PLPP2: variants seen among roughly 807,000 people sequenced by gnomAD.
PLPP2 encodes phospholipid phosphatase 2.
A neutral mutation model predicts 35.2 loss-of-function variants in PLPP2; 29 were observed. The ratio of observed to expected loss-of-function variants is 0.82; its 90% CI spans 0.61 to 1.12. The LOEUF (loss-of-function observed/expected upper bound fraction) is 1.12, where lower values mean the gene tolerates loss of function less well. Among genes scored for constraint, PLPP2 ranks in the 50% most tolerant of loss-of-function variants. The pLI, the probability that PLPP2 is intolerant of heterozygous loss-of-function variation, is 0.00. For synonymous variants in PLPP2, 162 were observed against 167.0 expected, an observed-to-expected ratio of 0.97 and a Z score of 0.23; for missense variants, 353 against 375.2, an observed-to-expected ratio of 0.94 and a Z score of 0.49.
In PLPP2 at chr19:287,746, C is replaced by A; in HGVS notation, c.210G>T (p.Ser70=). The part of the protein sequence containing the change: ...VTITATVILV[S]AGEAYLVYTD... ...TGTACACCAGGTAGGCTTCCCCGGCCGAGACCTGCAAGAGCAGCCGCAGGA... is the reference window on the plus strand; with the variant it reads ...TGTACACCAGGTAGGCTTCCCCGGCAGAGACCTGCAAGAGCAGCCGCAGGA... The change falls in exon 3 of 6, where the codon TCG becomes TCT. Residue 70 remains serine, a synonymous_variant. Transcript: ENST00000434325. This position sits in a 1 kb window ranked among gnomAD's most constrained non-coding sequence, Gnocchi z 4.3. 5 of 1,613,140 alleles carry A rather than the reference C, an allele frequency of 3.1e-6. No homozygotes were observed. Among genetic ancestry groups the A allele is most frequent in the Non-Finnish European group, 4.2e-6 (5 of 1,179,720 alleles).
intron 3 of PLPP2, chr19:283,030 A>C: frequency 1.8e-6 from 1 of 559,764 alleles, no homozygotes; most frequent in East Asian, 3.0e-5. Context: ...ATCCGTGAAG[A>C]CTCTGAGGCC....
intron 1 of PLPP2, 29 bp from the exon 2 acceptor site, chr19:288,200 T>A (rs375370085): frequency 6.5e-7 from 1 of 1,547,918 alleles, no homozygotes; most frequent in Non-Finnish European, 8.7e-7. Context: ...CTGGGAGCTG[T>A]GAGGTTCTCT....
intron 1 of PLPP2, among the ~76,000 whole-genome samples, chr19:290,613 C>T (rs1185746910): frequency 1.3e-5 from 2 of 152,218 alleles, no homozygotes; most frequent in Non-Finnish European, 2.9e-5. Context: ...GTTCCCGGGA[C>T]CCTGCGGGAG....
At chr19:290,698 G>A (rs1051825115) in intron 1 of PLPP2, among the ~76,000 whole-genome samples, 3 of 152,146 alleles carry the variant, frequency 2.0e-5, no homozygotes, top group Non-Finnish European at 4.4e-5. Flanking sequence ...CTGGCCTCCC[G>A]GCCCCCCGCC....
rs140076000 is a variant in PLPP2 at position 287,546 on chromosome 19, C to T, written c.410G>A (p.Arg137Gln). 1.4e-4 allele frequency: 224 copies of T among 1,613,648 alleles called. No individual in the cohort carries two copies. The highest frequency in any genetic ancestry group is 1.8e-4 in the Non-Finnish European group (208 of 1,180,046). ...FLAVCDPDWSRVNCSVYVQLE... is the reference protein window; with the variant it reads ...FLAVCDPDWSQVNCSVYVQLE... ...CTGCACATAGACCGAGCAGTTGACC[C>T]GGCTCCAGTCGGGGTCGCAGACGGC... Residue 137 changes from arginine to glutamine, a missense_variant, in exon 3 of 6, where the codon CGG becomes CAG. By Grantham distance (43) the Arg-to-Gln change is conservative. Transcript: ENST00000434325. This position sits in a 1 kb window ranked among gnomAD's most constrained non-coding sequence, Gnocchi z 4.3.
At position 281,405 on chromosome 19, in the gene PLPP2, G is replaced by A. The variant is rs34392164; in HGVS notation, c.850C>T (p.Pro284Ser). Residue 284 changes from proline to serine, a missense_variant, in exon 6 of 6, where the codon CCG becomes TCG. Transcript: ENST00000434325. ...GEADHNHYGY[P>S]HSSS ...GTCCGGCCTCAGGAGGAGGAGTGCG[G>A]GTATCCATAGTGGTTGTGGTCAGCC... 1.8e-4 allele frequency: 260 copies of A among 1,450,688 alleles called. No homozygotes were observed. In the African/African-American group the frequency reaches 3.4e-3, roughly 19 times the overall value. The allele number at this position is 1,450,688 out of a possible 1,614,324, so 89.9% of individuals were successfully genotyped here. A position where few individuals can be genotyped will look rare whatever the true frequency, so the allele number is the denominator to read the frequency against.
chr19:291,013 C>G, intron 1 of PLPP2: 2 of 1,279,184 alleles, frequency 1.6e-6, no homozygotes, highest in Non-Finnish European at 2.0e-6. Flanking sequence ...AGACTTCCTG[C>G]TGCCGGGGCG....
rs1156707686 is a variant in PLPP2 at position 287,637 on chromosome 19, C to A, written c.319G>T (p.Ala107Ser). 3 of 1,613,930 alleles carry A rather than the reference C, an allele frequency of 1.9e-6. No homozygotes were observed. The highest frequency in any genetic ancestry group is 1.3e-5 in the African/African-American group (1 of 75,068). ...AGGTCTGTCAGAGACTGGCTCACGGCAGCCCCAAACAGGAAGGTCCCCAGC... is the reference window on the plus strand; with the variant it reads ...AGGTCTGTCAGAGACTGGCTCACGGAAGCCCCAAACAGGAAGGTCCCCAGC... The part of the protein sequence containing the change: ...KVLGTFLFGA[A>S]VSQSLTDLAK... The change falls in exon 3 of 6, where the codon GCC becomes TCC. Residue 107 changes from alanine to serine, a missense_variant. Ala to Ser is a moderately conservative substitution (Grantham distance 99). Transcript: ENST00000434325. This position sits in a 1 kb window ranked among gnomAD's most constrained non-coding sequence, Gnocchi z 4.3.
chr19:290,826 G>A (rs1024756712), intron 1 of PLPP2: 8 of 818,224 alleles, frequency 9.8e-6, no homozygotes, highest in South Asian at 1.3e-4. Context: ...CCGACGCACC[G>A]GGTGCCAGGA....
chr19:281,994 G>T, intron 5 of PLPP2, 140 bp downstream of exon 5: 3 of 937,866 alleles, frequency 3.2e-6, no homozygotes, highest in East Asian at 2.6e-5. Flanking sequence ...GGGGTTGGGG[G>T]AAGGGGTCCC....
chr19:283,999 G>A (rs1479033558), intron 3 of PLPP2: 4 of 152,154 alleles, frequency 2.6e-5, no homozygotes, highest in Non-Finnish European at 4.4e-5. Context: ...ACCCGGGAGA[G>A]GGCGTAGGAT....
chr19:283,838 T>G (rs1007492153), intron 3 of PLPP2: 1 of 152,210 alleles, frequency 6.6e-6, no homozygotes, highest in Non-Finnish European at 1.5e-5. Context: ...ATGGGTTTTT[T>G]TGATTCCAGA....
chr19:283,886 G>A (rs901234736), intron 3 of PLPP2: 2 of 152,100 alleles, frequency 1.3e-5, no homozygotes, highest in African/African-American at 4.8e-5. Flanking sequence ...TGACCACTGG[G>A]CTAAAAGAAT....
chr19:282,099 C>G, intron 5 of PLPP2, 35 bp downstream of exon 5: 1 of 1,609,080 alleles, frequency 6.2e-7, no homozygotes, highest in Non-Finnish European at 8.5e-7. Flanking sequence ...GGTCTCTGGA[C>G]AACACAGGGG....
intron 5 of PLPP2, 92 bp from the exon 6 acceptor site, chr19:281,629 G>A: frequency 8.0e-7 from 1 of 1,245,386 alleles, no homozygotes; most frequent in South Asian, 2.0e-5. Flanking sequence ...CAGGGTCCCA[G>A]GTGGGAGCGA....
Position 281,432 on chromosome 19 carries a change from C to A in PLPP2, c.823G>T (p.Glu275Ter), listed in dbSNP as rs1169015572. The change falls in exon 6 of 6, where the codon GAG (glutamate) becomes TAG (stop). Residue 275 changes from glutamate (E) to a stop codon, truncating the protein, a stop_gained. Transcript: ENST00000434325. LOFTEE classifies it high-confidence loss of function. ...TATCCATAGTGGTTGTGGTCAGCCT[C>A]GCCCAGGGTCAACGTCAGTGACAGG... ...PSLSLTLTLG[E>*]ADHNHYGYPH... is the part of the protein sequence containing the mutation. The A allele has an allele frequency of 6.5e-7, 1 of 1,535,320 alleles. No individual in the cohort carries two copies. The highest frequency in any genetic ancestry group is 8.8e-7 in the Non-Finnish European group (1 of 1,139,518).
chr19:284,105 C>G (rs1487391125), intron 3 of PLPP2: 1 of 152,154 alleles, frequency 6.6e-6, no homozygotes, highest in African/African-American at 2.4e-5. Flanking sequence ...CCTGTAATCC[C>G]AGGACTTTGG....
At chr19:282,586 G>A (rs1970202347) in intron 4 of PLPP2, among the ~76,000 whole-genome samples, 166 bp downstream of exon 4, 1 of 151,928 alleles carries the variant, frequency 6.6e-6, no homozygotes, top group African/African-American at 2.4e-5. Flanking sequence ...TGAGGCCGGA[G>A]GCAAACACTG....
intron 5 of PLPP2, 32 bp downstream of exon 5, chr19:282,102 C>G: frequency 6.2e-7 from 1 of 1,610,488 alleles, no homozygotes; most frequent in Non-Finnish European, 8.5e-7. Flanking sequence ...CTCTGGACAA[C>G]ACAGGGGATA....
Sources: allele counts gnomAD v4.1 joint callset (sites outside exome capture counted in the v4.1 genomes callset), GRCh38; gene constraint gnomAD v4.1.1; non-coding constraint Gnocchi (gnomAD v3.1); transcripts MANE v1.5; gene names NCBI Gene and HGNC (gene_info 2026-07-23, HGNC 2026-07-21).